The following FAH variants were observed in gnomAD, a reference collection of about 807,000 sequenced individuals.
FAH encodes fumarylacetoacetate hydrolase.
A neutral mutation model predicts 55.8 loss-of-function variants in FAH; 47 were observed. The ratio of observed to expected loss-of-function variants is 0.84; its 90% CI spans 0.67 to 1.07. The LOEUF (loss-of-function observed/expected upper bound fraction) is 1.07. FAH is among the 50% of genes least tolerant of loss of function. The pLI, the probability that FAH is intolerant of heterozygous loss-of-function variation, is 0.00. For missense variants in FAH, 495 were observed against 545.9 expected, an observed-to-expected ratio of 0.91 and a Z score of 0.93; for synonymous variants, 199 against 207.7, an observed-to-expected ratio of 0.96 and a Z score of 0.36.
chr15:80,166,698 A>G (rs371141436), intron 5 of FAH, among the ~76,000 whole-genome samples: 19 of 136,830 alleles, frequency 1.4e-4, no homozygotes, highest in African/African-American at 4.7e-4. Context: ...GTGCAGTGGC[A>G]CCATCTCGGC....
At chr15:80,185,537 A>G (rs2041363069) in intron 13 of FAH, among the ~76,000 whole-genome samples, 1 of 152,262 alleles carries the variant, frequency 6.6e-6, no homozygotes, top group African/African-American at 2.4e-5. Context: ...TGATAAAGAC[A>G]TTCCTGAGAC....
chr15:80,157,867 T>C (rs932398709), intron 1 of FAH, 193 bp from the exon 2 acceptor site: 34 of 619,920 alleles, frequency 5.5e-5, no homozygotes, highest in Non-Finnish European at 9.2e-5. Context: ...TATTTTTCCT[T>C]TTAGTTCTGG....
At chr15:80,158,521 C>T (rs1168803146) in intron 2 of FAH, among the ~76,000 whole-genome samples, 1 of 152,164 alleles carries the variant, frequency 6.6e-6, no homozygotes, top group Non-Finnish European at 1.5e-5. Context: ...GCTGTGTGGG[C>T]CCCCAAGGGA....
At chr15:80,171,606 A>G (rs1468825238) in intron 7 of FAH, among the ~76,000 whole-genome samples, 2 of 152,056 alleles carry the variant, frequency 1.3e-5, no homozygotes, top group Admixed American at 1.3e-4. Flanking sequence ...GACTGCGGAC[A>G]TGTGCCACCA....
At chr15:80,183,046 A>G (rs768368700) in intron 13 of FAH, among the ~76,000 whole-genome samples, 1 of 152,192 alleles carries the variant, frequency 6.6e-6, no homozygotes, top group Non-Finnish European at 1.5e-5. Flanking sequence ...TGTTCTTGAC[A>G]TTTGAGCCAG....
At position 80,172,894 on chromosome 15, in the gene FAH, C is replaced by T. The variant is rs544754981; in HGVS notation, c.707-120C>T. ...TTGTCCTGGGGCAGCCTGACTGGGGCTGATCTTTGTGGAGATGGCAGTGCT... is the reference window on the plus strand; with the variant it reads ...TTGTCCTGGGGCAGCCTGACTGGGGTTGATCTTTGTGGAGATGGCAGTGCT... On this transcript the variant is annotated intron_variant, in intron 8 of 13. Coordinates refer to ENST00000561421, the MANE Select transcript of FAH (RefSeq NM_000137.4). The T allele has an allele frequency of 3.0e-6, 4 of 1,332,156 alleles. No individual in the cohort carries two copies. In the East Asian group the frequency reaches 7.4e-5, roughly 24 times the overall value. The allele number at this position is 1,332,156 out of a possible 1,614,324, so 82.5% of individuals were successfully genotyped here. A position where few individuals can be genotyped will look rare whatever the true frequency, so the allele number is the denominator to read the frequency against.
At chr15:80,172,307 C>A in intron 8 of FAH, 59 bp downstream of exon 8, 5 of 1,289,402 alleles carry the variant, frequency 3.9e-6, no homozygotes, top group Non-Finnish European at 5.6e-6. Context: ...GGACTTGGGG[C>A]AATTTCATAG....
At chr15:80,158,222 A>G in intron 2 of FAH, 52 bp downstream of exon 2, 1 of 1,231,240 alleles carries the variant, frequency 8.1e-7, no homozygotes, top group East Asian at 2.3e-5. Flanking sequence ...CTTACTGTGG[A>G]TGCCAACAAG....
At chr15:80,182,010 C>G (rs1408308181) in intron 13 of FAH, among the ~76,000 whole-genome samples, 1 of 152,180 alleles carries the variant, frequency 6.6e-6, no homozygotes, top group Non-Finnish European at 1.5e-5. Context: ...AATGTATTCT[C>G]TCACAGCTCT....
chr15:80,169,953 A>G (rs1193938823), intron 7 of FAH, among the ~76,000 whole-genome samples: 2 of 152,224 alleles, frequency 1.3e-5, no homozygotes, highest in Non-Finnish European at 2.9e-5. Flanking sequence ...CAGTGGCAAC[A>G]TCCTTCGTAA....
intron 4 of FAH, among the ~76,000 whole-genome samples, chr15:80,161,928 A>G (rs1476294537): frequency 6.6e-6 from 1 of 152,170 alleles, no homozygotes; most frequent in Non-Finnish European, 1.5e-5. Context: ...GGAACTCGGG[A>G]ATGGCAGTTG....
At chr15:80,158,767 A>G (rs1425882498) in intron 2 of FAH, among the ~76,000 whole-genome samples, 1 of 152,138 alleles carries the variant, frequency 6.6e-6, no homozygotes, top group Admixed American at 6.5e-5. Flanking sequence ...ACCCTCTGGC[A>G]TAGGAATTGG....
rs749196943 is a variant in FAH at position 80,153,114 on chromosome 15, C to A, written c.60C>A (p.Gly20=). The part of the protein sequence containing the change: ...SDFPIHNLPY[G]VFSTRGDPRP... ...TCCCCATCCACAACCTGCCCTACGG[C>A]GTCTTCTCGACCAGAGGCGACGTGA... Residue 20 remains glycine (G), a synonymous_variant, in exon 1 of 14, where the codon GGC becomes GGA. Coordinates refer to ENST00000561421, the MANE Select transcript of FAH (RefSeq NM_000137.4). 2.0e-5 allele frequency: 32 copies of A among 1,613,108 alleles called. No individual in the cohort carries two copies. The highest frequency in any genetic ancestry group is 2.6e-5 in the Non-Finnish European group (31 of 1,179,852).
At chr15:80,159,634 G>A in intron 2 of FAH, 122 bp from the exon 3 acceptor site, 3 of 1,117,692 alleles carry the variant, frequency 2.7e-6, no homozygotes, top group Non-Finnish European at 4.1e-6. Flanking sequence ...GAGGTCCTGA[G>A]AGTTTGAGTT....
chr15:80,172,322 T>C, intron 8 of FAH, 74 bp downstream of exon 8: 2 of 1,148,652 alleles, frequency 1.7e-6, no homozygotes, highest in Admixed American at 1.7e-5. Context: ...TCATAGAAGC[T>C]GAAGATCTGG....
Position 80,171,998 on chromosome 15 carries a change from G to T in FAH, c.607-151G>T, listed in dbSNP as rs980675554. On this transcript the variant is annotated intron_variant, in intron 7 of 13. Coordinates refer to ENST00000561421, the MANE Select transcript of FAH (RefSeq NM_000137.4). The stretch of plus-strand genomic sequence containing the variant: ...TTCCTGAGGCGTCCATCTGACCTCT[G>T]ACTTAGAAACACAGTGGATTCATGC... The T allele has an allele frequency of 8.2e-6, 6 of 728,892 alleles. No individual in the cohort carries two copies. In the African/African-American group the frequency reaches 8.6e-5, roughly 10 times the overall value. The allele number at this position is 728,892 out of a possible 1,614,324, so 45.2% of individuals were successfully genotyped here.
At chr15:80,155,605 CAA>C (rs1392445691) in intron 1 of FAH, among the ~76,000 whole-genome samples, 3 of 152,150 alleles carry the variant, frequency 2.0e-5, no homozygotes, top group South Asian at 2.1e-4. Flanking sequence ...AGACACAAGA[CAA>C]AGAGATAAAG....
intron 13 of FAH, 132 bp downstream of exon 13, chr15:80,181,291 G>T (rs2041329364): frequency 2.9e-6 from 2 of 678,244 alleles, no homozygotes; most frequent in Non-Finnish European, 5.4e-6. Context: ...CAGAGTCTCT[G>T]CCTGCTTGTT....
At position 80,171,811 on chromosome 15, in the gene FAH, C is replaced by G. The variant is rs8035131; in HGVS notation, c.607-338C>G. 9.6e-3 allele frequency among the ~76,000 whole-genome samples: 1,465 copies of G among 152,202 alleles called. 22 individuals carry two copies. The highest frequency in any genetic ancestry group is 0.034 in the African/African-American group (1,418 of 41,524). On this transcript the variant is annotated intron_variant, in intron 7 of 13. Coordinates refer to ENST00000561421, the MANE Select transcript of FAH (RefSeq NM_000137.4). ...ACCCTGATAGTTTCAGTTTTACAAG[C>G]CTCATGTGGCTGTCAAGTCTTGAAA...
Sources: gnomAD v4.1 joint callset for allele counts (sites outside exome capture counted in the v4.1 genomes callset) on GRCh38, gnomAD v4.1.1 for gene constraint, MANE v1.5 for transcripts, NCBI Gene and HGNC (gene_info 2026-07-23, HGNC 2026-07-21) for gene names.